NSDHL: variants seen among roughly 807,000 people sequenced by gnomAD.
NSDHL encodes the protein NAD(P) dependent 3-beta-hydroxysteroid dehydrogenase NSDHL.
In NSDHL, 1 loss-of-function variant was observed where a neutral mutation model predicts 23.0. The ratio of observed to expected loss-of-function variants is 0.04; its 90% CI spans 0.02 to 0.21. The LOEUF (loss-of-function observed/expected upper bound fraction) is 0.21. Among genes scored for constraint, NSDHL ranks in the 10% least tolerant of loss-of-function variants. The probability of loss-of-function intolerance (pLI) is 1.00; values close to 1 mark genes in which losing one functional copy is unlikely to be tolerated. For synonymous variants in NSDHL, 128 were observed against 121.1 expected (o/e 1.06, Z -0.37); for missense variants, 237 against 300.9 (o/e 0.79, Z 1.57).
At chrX:152,835,297 T>C (rs782613888) in intron 1 of NSDHL, among the ~76,000 whole-genome samples, 240 of 105,245 alleles carry the variant, frequency 2.3e-3, no homozygotes, top group African/African-American at 7.6e-3. Context: ...ACATCTCTCT[T>C]TTTTTTTTTT....
rs376794048 is a variant in NSDHL at position 152,869,014 on chromosome X, C to T, written c.1020C>T (p.Cys340=). Residue 340 remains cysteine (C), a synonymous_variant, in exon 8 of 8, where the codon TGC becomes TGT. Transcript: ENST00000370274. The stretch of plus-strand genomic sequence containing the variant: ...CTGGCACATTCCACTACTACAGCTG[C>T]GAGAGAGCCAAAAAGGCCATGGGCT... ...ALAGTFHYYS[C]ERAKKAMGYQ... The T allele has an allele frequency of 1.5e-4, 179 of 1,210,073 alleles. No homozygotes were observed. The highest frequency in any genetic ancestry group is 1.7e-4 in the Non-Finnish European group (153 of 895,060).
intron 1 of NSDHL, among the ~76,000 whole-genome samples, chrX:152,833,334 T>C (rs964868510): frequency 1.7e-5 from 1 of 58,364 alleles, no homozygotes. Flanking sequence ...TTGTCTCTGA[T>C]TTGCTCTTGT....
intron 7 of NSDHL, among the ~76,000 whole-genome samples, 178 bp downstream of exon 7, chrX:152,867,851 A>G (rs1556848301): frequency 8.9e-6 from 1 of 111,859 alleles, no homozygotes. Context: ...GCAGCGTCAC[A>G]TCACTTGGGC....
intron 1 of NSDHL, among the ~76,000 whole-genome samples, chrX:152,839,836 A>G (rs980037081): frequency 8.9e-6 from 1 of 112,051 alleles, no homozygotes; most frequent in Admixed American, 9.4e-5. Flanking sequence ...CTAAATTTGA[A>G]TGTTGGCCTG....
rs782288906 is a variant in NSDHL, at chrX:152,862,617, G to T, written c.436G>T (p.Ala146Ser). Residue 146 changes from alanine (A) to serine (S), a missense_variant, in exon 5 of 8, where the codon GCC becomes TCC. Ala to Ser is a moderately conservative substitution (Grantham distance 99). Coordinates refer to ENST00000370274, the MANE Select transcript of NSDHL (RefSeq NM_015922.3). ...GVQKLILTSS[A>S]SVIFEGVDIK... ...TCAGAAACTCATTTTAACCAGCAGT[G>T]CCAGTGTCATCTTTGAGGGCGTCGA... 8.3e-7 allele frequency: 1 copy of T among 1,207,619 alleles called. No homozygotes were observed. The highest frequency in any genetic ancestry group is 1.1e-6 in the Non-Finnish European group (1 of 891,940).
chrX:152,847,452 G>T (rs1933291229), intron 2 of NSDHL, among the ~76,000 whole-genome samples: 2 of 110,218 alleles, frequency 1.8e-5, no homozygotes, highest in African/African-American at 6.6e-5. Flanking sequence ...TCAGAGTCAA[G>T]CCTCCTCTGG....
At chrX:152,831,147 C>T (rs1254293221) in intron 1 of NSDHL, 30 bp downstream of exon 1, 2 of 296,806 alleles carry the variant, frequency 6.7e-6, no homozygotes, top group Non-Finnish European at 1.2e-5. Context: ...CATTGGAGGT[C>T]ACCCTGTGTC....
chrX:152,869,281 A>G lies in NSDHL; in HGVS notation c.*165A>G. On this transcript the variant is annotated 3_prime_UTR_variant, in exon 8 of 8. Coordinates refer to ENST00000370274, the MANE Select transcript of NSDHL (RefSeq NM_015922.3). ...CTTTCCGTGACGATGAGGGCGGCAA[A>G]AACAGACATTTCTTCCTTCATGGAA... is the stretch of plus-strand genomic sequence containing the variant. The G allele has an allele frequency of 2.0e-6, 1 of 498,962 alleles. No individual in the cohort carries two copies. Among genetic ancestry groups the G allele is most frequent in the Non-Finnish European group, 3.6e-6 (1 of 280,374 alleles). 41.1% of individuals were successfully genotyped at this position (498,962 alleles called of 1,213,427 possible).
At chrX:152,858,243 C>T (rs1445058323) in intron 3 of NSDHL, among the ~76,000 whole-genome samples, 6 of 111,744 alleles carry the variant, frequency 5.4e-5, no homozygotes, top group Admixed American at 1.9e-4. Context: ...TGTTTCCTGT[C>T]CCAGATCTGC....
intron 1 of NSDHL, among the ~76,000 whole-genome samples, chrX:152,832,397 C>T (rs1042327442): frequency 1.8e-5 from 2 of 112,036 alleles, no homozygotes; most frequent in African/African-American, 3.3e-5. Context: ...ACTCCAGGAC[C>T]TAGAACAGAG....
At chrX:152,836,384 A>C (rs782559548) in intron 1 of NSDHL, among the ~76,000 whole-genome samples, 1 of 111,970 alleles carries the variant, frequency 8.9e-6, no homozygotes, top group Non-Finnish European at 1.9e-5. Context: ...GCCCATGCCT[A>C]TGTCCTGAAT....
rs1242486889 is a variant in NSDHL, at chrX:152,868,882, C to G, written c.888C>G (p.Pro296=). 2.5e-6 allele frequency: 3 copies of G among 1,209,712 alleles called. No homozygotes were observed. The East Asian group carries it at 8.9e-5, about 36-fold the overall frequency. ...ATGAGGCCCCCAAGTACCACATCCC[C>G]TACTGGGTGGCCTACTACCTGGCCC... ...LNYEAPKYHI[P]YWVAYYLALL... is the part of the protein sequence containing the mutation. Residue 296 remains proline (P), a synonymous_variant, in exon 8 of 8, where the codon CCC becomes CCG. Coordinates refer to ENST00000370274, the MANE Select transcript of NSDHL (RefSeq NM_015922.3).
chrX:152,858,120 C>T (rs1317964872), intron 3 of NSDHL, among the ~76,000 whole-genome samples: 1 of 111,612 alleles, frequency 9.0e-6, no homozygotes, highest in African/African-American at 3.3e-5. Flanking sequence ...CCCTTCTTTG[C>T]CCAGTGGGAA....
chrX:152,864,459 A>G (rs2285032), intron 5 of NSDHL, among the ~76,000 whole-genome samples: 2 of 111,415 alleles, frequency 1.8e-5, no homozygotes, highest in South Asian at 7.4e-4. Context: ...TATGCCTGAT[A>G]CTGATTGCCA....
rs782258802 is a variant in NSDHL, at chrX:152,859,426, G to T, written c.414+510G>T. Among the ~76,000 whole-genome samples, 5 of 111,653 alleles carry T rather than the reference G, an allele frequency of 4.5e-5. No homozygotes were observed. The East Asian group carries it at 1.4e-3, about 32-fold the overall frequency. On this transcript the variant is annotated intron_variant, in intron 4 of 7. Transcript: ENST00000370274. ...CCTGGCAACTACCCTTCTACTTTCT[G>T]TCTCTATGGGTTTGACAACTATAGG... is the stretch of plus-strand genomic sequence containing the variant.
chrX:152,863,110 C>T (rs1313416971), intron 5 of NSDHL, among the ~76,000 whole-genome samples: 1 of 109,577 alleles, frequency 9.1e-6, no homozygotes, highest in Non-Finnish European at 1.9e-5. Flanking sequence ...TGCAGTGAGC[C>T]GAGATTGTGC....
chrX:152,841,395 G>A (rs782173609), intron 1 of NSDHL, among the ~76,000 whole-genome samples: 8 of 112,262 alleles, frequency 7.1e-5, no homozygotes, highest in East Asian at 5.7e-4. Flanking sequence ...TGTCGATCAC[G>A]CTGGGAGCTG....
At chrX:152,841,155 G>A (rs782537200) in intron 1 of NSDHL, among the ~76,000 whole-genome samples, 4 of 112,861 alleles carry the variant, frequency 3.5e-5, no homozygotes, top group Non-Finnish European at 7.5e-5. Flanking sequence ...TGCTAAGACC[G>A]TGGGAAAAGT....
Position 152,834,841 on chromosome X carries a change from T to C in NSDHL, c.-44+3724T>C, listed in dbSNP as rs190504904. On this transcript the variant is annotated intron_variant, in intron 1 of 7. Coordinates refer to ENST00000370274, the MANE Select transcript of NSDHL (RefSeq NM_015922.3). Reference sequence around the variant, plus strand: ...TGGCATTCCTTGGATAGCCAAACTCTACTGAGGTGTTTGGGGAAGGGCAGT... The same window carrying C: ...TGGCATTCCTTGGATAGCCAAACTCCACTGAGGTGTTTGGGGAAGGGCAGT... Among the ~76,000 whole-genome samples, 8 of 112,689 alleles carry C rather than the reference T, an allele frequency of 7.1e-5. No homozygotes were observed. In the East Asian group the frequency reaches 1.9e-3, roughly 27 times the overall value.
Sources: allele counts gnomAD v4.1 joint callset (sites outside exome capture counted in the v4.1 genomes callset), GRCh38; gene constraint gnomAD v4.1.1; transcripts MANE v1.5; gene names NCBI Gene and HGNC (gene_info 2026-07-23, HGNC 2026-07-21).